The following RGS7BP variants were observed in gnomAD, a reference collection of about 807,000 sequenced individuals.
RGS7BP encodes regulator of G protein signaling 7 binding protein, also known as regulator of G protein signaling 7-binding protein.
RGS7BP carries 9 observed loss-of-function variants against 31.3 expected under a neutral mutation model. The ratio of observed to expected loss-of-function variants is 0.29; its 90% CI spans 0.17 to 0.50. The LOEUF is 0.50. RGS7BP is among the 20% of genes least tolerant of loss of function. The pLI is 0.98. For missense variants in RGS7BP, 274 were observed against 322.0 expected (o/e 0.85, Z 1.14); for synonymous variants, 115 against 120.1 (o/e 0.96, Z 0.28).
intron 5 of RGS7BP, among the ~76,000 whole-genome samples, chr5:64,608,674 A>G (rs1165067604): frequency 6.6e-6 from 1 of 152,076 alleles, no homozygotes; most frequent in Non-Finnish European, 1.5e-5. Context: ...ATTAAACTCT[A>G]TTTTACAGAC....
In RGS7BP at chr5:64,610,873, G is replaced by A. The variant is rs1743485264; in HGVS notation, c.*1621G>A. ...TTTGATTGAAAGTGAAAGAATTAAA[G>A]GGTTGGAAGAGAACGTTATACAGGT... On this transcript the variant is annotated 3_prime_UTR_variant, in exon 6 of 6. Coordinates refer to ENST00000334025, the MANE Select transcript of RGS7BP (RefSeq NM_001029875.3). The A allele has an allele frequency of 1.3e-5, 2 of 151,872 alleles. No individual in the cohort carries two copies. Among genetic ancestry groups the A allele is most frequent in the African/African-American group, 4.8e-5 (2 of 41,378 alleles). The allele number at this position is 151,872 out of a possible 1,614,324, so 9.4% of individuals were successfully genotyped here.
chr5:64,606,335 C>G (rs977192918), intron 5 of RGS7BP, among the ~76,000 whole-genome samples: 31 of 151,718 alleles, frequency 2.0e-4, no homozygotes, highest in Admixed American at 4.6e-4. Flanking sequence ...GCAAACACAT[C>G]AGAGTTGCAT....
chr5:64,542,297 C>T (rs918687309), intron 2 of RGS7BP, among the ~76,000 whole-genome samples: 1 of 152,254 alleles, frequency 6.6e-6, no homozygotes, highest in Admixed American at 6.5e-5. Flanking sequence ...TCCCCTTGTC[C>T]TGCATTAGGA....
chr5:64,566,856 T>C (rs1742181808), intron 2 of RGS7BP, among the ~76,000 whole-genome samples: 1 of 152,030 alleles, frequency 6.6e-6, no homozygotes, highest in Admixed American at 6.6e-5. Flanking sequence ...TCTAATCCTT[T>C]TGTGAGTCTA....
intron 5 of RGS7BP, among the ~76,000 whole-genome samples, chr5:64,599,152 A>G (rs982854775): frequency 3.3e-5 from 5 of 152,210 alleles, no homozygotes; most frequent in African/African-American, 1.2e-4. Flanking sequence ...ACCTGTCACA[A>G]TCGATGTTTG....
At chr5:64,556,724 A>C (rs760513028) in intron 2 of RGS7BP, among the ~76,000 whole-genome samples, 1 of 151,942 alleles carries the variant, frequency 6.6e-6, no homozygotes, top group Non-Finnish European at 1.5e-5. Context: ...TCCTGGCTCC[A>C]TGTAGACTGG....
intron 2 of RGS7BP, among the ~76,000 whole-genome samples, chr5:64,564,180 A>G (rs1742117461): frequency 6.6e-6 from 1 of 152,168 alleles, no homozygotes; most frequent in South Asian, 2.1e-4. Context: ...CATACTCTTA[A>G]TACAGTTCCA....
chr5:64,544,871 A>G (rs1463768746), intron 2 of RGS7BP, among the ~76,000 whole-genome samples: 1 of 152,016 alleles, frequency 6.6e-6, no homozygotes, highest in African/African-American at 2.4e-5. Context: ...CCATGTTGTA[A>G]GACACATTAA....
Position 64,588,539 on chromosome 5 carries a change from C to CA in RGS7BP, c.464-6164dup, listed in dbSNP as rs541285227. The stretch of plus-strand genomic sequence containing the variant: ...GCTCCTCACTGTGGGAATTAGGACT[C>CA]AAAAAAACCAGCACAAATGCTAATC... On this transcript the variant is annotated intron_variant, in intron 3 of 5. Transcript: ENST00000334025. 2.2e-3 allele frequency among the ~76,000 whole-genome samples: 340 copies of CA among 152,174 alleles called. 2 individuals are homozygous for CA. Among genetic ancestry groups the CA allele is most frequent in the African/African-American group, 8.0e-3 (331 of 41,498 alleles).
chr5:64,576,943 C>T (rs759927916), intron 3 of RGS7BP, among the ~76,000 whole-genome samples: 1 of 152,018 alleles, frequency 6.6e-6, no homozygotes, highest in African/African-American at 2.4e-5. Context: ...GTAATCCTTG[C>T]CTATGATTTA....
intron 2 of RGS7BP, among the ~76,000 whole-genome samples, chr5:64,531,822 T>A (rs1469242942): frequency 1.3e-5 from 2 of 152,236 alleles, no homozygotes; most frequent in Non-Finnish European, 2.9e-5. Flanking sequence ...TCAAACAACA[T>A]AGGGTATTTA....
intron 2 of RGS7BP, among the ~76,000 whole-genome samples, chr5:64,544,401 A>C (rs1741599592): frequency 6.6e-6 from 1 of 152,006 alleles, no homozygotes. Context: ...GAGGCCAGGC[A>C]TTGTGGCTCC....
chr5:64,582,392 C>T (rs1742623971), intron 3 of RGS7BP, among the ~76,000 whole-genome samples: 1 of 152,232 alleles, frequency 6.6e-6, no homozygotes, highest in Admixed American at 6.5e-5. Context: ...GCAGAGATGA[C>T]AGAACACTCC....
chr5:64,607,905 C>A (rs888060968), intron 5 of RGS7BP, among the ~76,000 whole-genome samples: 2 of 152,044 alleles, frequency 1.3e-5, no homozygotes, highest in African/African-American at 4.8e-5. Flanking sequence ...TTTACAGCAT[C>A]TAGGCTCAGT....
intron 2 of RGS7BP, among the ~76,000 whole-genome samples, chr5:64,525,978 A>G (rs1749222068): frequency 6.6e-6 from 1 of 152,228 alleles, no homozygotes; most frequent in African/African-American, 2.4e-5. Context: ...AAGGGAATCT[A>G]GCACTTTGCT....
At chr5:64,592,095 C>G (rs1421540753) in intron 3 of RGS7BP, among the ~76,000 whole-genome samples, 1 of 152,098 alleles carries the variant, frequency 6.6e-6, no homozygotes, top group Non-Finnish European at 1.5e-5. Flanking sequence ...AAAGTCGGTA[C>G]TATCGGTAAA....
intron 2 of RGS7BP, among the ~76,000 whole-genome samples, chr5:64,565,904 ATTTTTGACAATTATGC>A (rs1304132722): frequency 6.6e-6 from 1 of 152,140 alleles, no homozygotes; most frequent in Non-Finnish European, 1.5e-5. Flanking sequence ...ATGAAGTGTC[ATTTTTGACAATTATGC>A]AAAAAAATGG....
intron 2 of RGS7BP, among the ~76,000 whole-genome samples, chr5:64,572,528 A>C (rs1225519219): frequency 6.6e-6 from 1 of 152,152 alleles, no homozygotes; most frequent in Non-Finnish European, 1.5e-5. Flanking sequence ...TAGCTTTTCC[A>C]CTTTTCTTTA....
Position 64,570,963 on chromosome 5 carries a change from G to T in RGS7BP, c.333-4811G>T, listed in dbSNP as rs552101682. ...TTTGGGTTTTTTTTAAGTAAAATTT[G>T]CATGTAATCAAATGCAAATCTTAAG... On this transcript the variant is annotated intron_variant, in intron 2 of 5. Coordinates refer to ENST00000334025, the MANE Select transcript of RGS7BP (RefSeq NM_001029875.3). Among the ~76,000 whole-genome samples the T allele has an allele frequency of 1.3e-3, 191 of 151,962 alleles. 1 individual carries two copies. Among genetic ancestry groups the T allele is most frequent in the South Asian group, 2.5e-3 (12 of 4,810 alleles).
Sources: gnomAD v4.1 joint callset for allele counts (sites outside exome capture counted in the v4.1 genomes callset) on GRCh38, gnomAD v4.1.1 for gene constraint, MANE v1.5 for transcripts, NCBI Gene and HGNC (gene_info 2026-07-23, HGNC 2026-07-21) for gene names.